FBXL17: variants seen among roughly 807,000 people sequenced by gnomAD.
FBXL17 encodes F-box and leucine rich repeat protein 17.
A neutral mutation model predicts 66.2 loss-of-function variants in FBXL17; 22 were observed. The ratio of observed to expected loss-of-function variants is 0.33; its 90% CI spans 0.24 to 0.47. FBXL17 has a LOEUF of 0.47. Among genes scored for constraint, FBXL17 ranks in the 20% least tolerant of loss-of-function variants. The pLI, the probability that FBXL17 is intolerant of heterozygous loss-of-function variation, is 1.00. For missense variants in FBXL17, 878 were observed against 948.2 expected, an observed-to-expected ratio of 0.93 and a Z score of 0.97; for synonymous variants, 474 against 400.5, an observed-to-expected ratio of 1.18 and a Z score of -2.19.
At chr5:108,184,347 C>A (rs158608) in intron 6 of FBXL17, among the ~76,000 whole-genome samples, 26,426 of 151,940 alleles carry the variant, frequency 0.17, 2,402 homozygotes, top group South Asian at 0.33. Context: ...TGCTCTATCA[C>A]CCAGGCTGGA....
At chr5:107,967,810 T>C (rs1752211526) in intron 7 of FBXL17, among the ~76,000 whole-genome samples, 2 of 152,146 alleles carry the variant, frequency 1.3e-5, no homozygotes, top group African/African-American at 4.8e-5. Flanking sequence ...ATTTCTGTAA[T>C]TGGATGCAGC....
At chr5:107,947,893 CT>C (rs1182661479) in intron 7 of FBXL17, among the ~76,000 whole-genome samples, 1 of 152,080 alleles carries the variant, frequency 6.6e-6, no homozygotes. Flanking sequence ...CACTCTATTC[CT>C]TTTCTACCTA....
At chr5:108,353,305 C>G (rs1230714229) in intron 3 of FBXL17, among the ~76,000 whole-genome samples, 1 of 152,162 alleles carries the variant, frequency 6.6e-6, no homozygotes, top group Non-Finnish European at 1.5e-5. Flanking sequence ...AGAGAAACTA[C>G]TACCAGAAAC....
At position 108,293,585 on chromosome 5, in the gene FBXL17, C is replaced by A. The variant is rs532504742; in HGVS notation, c.1506+54814G>T. ...AAATGAAGATTATATGCTTAAGTAA[C>A]TTCTCCAAATAAACCAGACTTGCTT... On this transcript the variant is annotated intron_variant, in intron 4 of 8. Coordinates refer to ENST00000542267, the MANE Select transcript of FBXL17 (RefSeq NM_001163315.3). Among the ~76,000 whole-genome samples, 9 of 152,246 alleles carry A rather than the reference C, an allele frequency of 5.9e-5. No homozygotes were observed. The South Asian group carries it at 1.2e-3, about 21-fold the overall frequency.
At chr5:108,021,682 T>C (rs1305330222) in intron 6 of FBXL17, among the ~76,000 whole-genome samples, 56 of 151,750 alleles carry the variant, frequency 3.7e-4, no homozygotes, top group Admixed American at 6.6e-5. Context: ...TCTGCTCTAA[T>C]AGGCCTAGCG....
intron 6 of FBXL17, among the ~76,000 whole-genome samples, chr5:108,051,338 A>C (rs1215630408): frequency 6.6e-6 from 1 of 152,222 alleles, no homozygotes; most frequent in East Asian, 1.9e-4. Context: ...AAAAATCCTC[A>C]ATAAAATAAT....
chr5:108,180,393 C>T (rs753539848), intron 6 of FBXL17, among the ~76,000 whole-genome samples: 19 of 151,842 alleles, frequency 1.3e-4, no homozygotes, highest in Non-Finnish European at 1.2e-4. Context: ...GTAAACCCAG[C>T]TACTTGGGAG....
At chr5:108,261,058 A>G (rs1311788201) in intron 4 of FBXL17, among the ~76,000 whole-genome samples, 5 of 151,112 alleles carry the variant, frequency 3.3e-5, no homozygotes, top group African/African-American at 4.9e-5. Flanking sequence ...AAGTATTAGT[A>G]AAAAAAAATA....
At chr5:108,298,668 T>C (rs1758448885) in intron 4 of FBXL17, 2 of 838,344 alleles carry the variant, frequency 2.4e-6, no homozygotes, top group Non-Finnish European at 2.9e-6. Flanking sequence ...GATATAGTAA[T>C]ATACTATCTT....
At chr5:108,020,735 T>C in intron 7 of FBXL17, 190 bp downstream of exon 7, 1 of 485,812 alleles carries the variant, frequency 2.1e-6, no homozygotes, top group Non-Finnish European at 3.7e-6. Flanking sequence ...AATGAAGTAA[T>C]ATGCATATTC....
intron 6 of FBXL17, among the ~76,000 whole-genome samples, chr5:108,088,491 G>A (rs1351695455): frequency 6.6e-6 from 1 of 151,910 alleles, no homozygotes; most frequent in African/African-American, 2.4e-5. Context: ...CATGAGGTCA[G>A]GAGATCGAGA....
At chr5:107,868,577 C>T (rs1748350678) in intron 8 of FBXL17, among the ~76,000 whole-genome samples, 1 of 152,204 alleles carries the variant, frequency 6.6e-6, no homozygotes, top group Non-Finnish European at 1.5e-5. Flanking sequence ...AAAACACTTT[C>T]CCTTGTTACG....
At chr5:108,038,674 G>A (rs1170192663) in intron 6 of FBXL17, among the ~76,000 whole-genome samples, 1 of 151,916 alleles carries the variant, frequency 6.6e-6, no homozygotes, top group Admixed American at 6.6e-5. Flanking sequence ...ACAAAAGAGA[G>A]ATAATTATTT....
intron 6 of FBXL17, among the ~76,000 whole-genome samples, chr5:108,089,057 C>A (rs1174870258): frequency 2.6e-5 from 4 of 152,300 alleles, no homozygotes; most frequent in Non-Finnish European, 5.9e-5. Flanking sequence ...ATCCCTCTTT[C>A]CTTCACTGTC....
intron 6 of FBXL17, among the ~76,000 whole-genome samples, chr5:108,108,768 G>T (rs1749909117): frequency 6.7e-6 from 1 of 149,634 alleles, no homozygotes; most frequent in Non-Finnish European, 1.5e-5. Flanking sequence ...TGGGCCAAAA[G>T]ACTCACACTT....
intron 6 of FBXL17, among the ~76,000 whole-genome samples, chr5:108,181,764 T>G (rs1363411269): frequency 6.6e-6 from 1 of 152,130 alleles, no homozygotes; most frequent in East Asian, 1.9e-4. Flanking sequence ...ACTTTCAATA[T>G]GAGAGAAAAT....
At chr5:107,887,881 C>A (rs1749028095) in intron 7 of FBXL17, among the ~76,000 whole-genome samples, 1 of 152,182 alleles carries the variant, frequency 6.6e-6, no homozygotes, top group East Asian at 1.9e-4. Flanking sequence ...ACAGAATAAC[C>A]TACAGCTTGG....
chr5:108,006,356 C>T (rs889680622), intron 7 of FBXL17, among the ~76,000 whole-genome samples: 3 of 150,852 alleles, frequency 2.0e-5, no homozygotes, highest in Non-Finnish European at 2.9e-5. Flanking sequence ...TTTGGCTCTA[C>T]TTAAATATAT....
chr5:107,872,120 T>C (rs1285291379), intron 8 of FBXL17, among the ~76,000 whole-genome samples: 2 of 152,228 alleles, frequency 1.3e-5, no homozygotes, highest in Non-Finnish European at 2.9e-5. Flanking sequence ...TCTGCATTAA[T>C]GTGATCGGTA....
Sources: gnomAD v4.1 joint callset for allele counts (sites outside exome capture counted in the v4.1 genomes callset) on GRCh38, gnomAD v4.1.1 for gene constraint, MANE v1.5 for transcripts, NCBI Gene and HGNC (gene_info 2026-07-23, HGNC 2026-07-21) for gene names.